Variants in GAB1 observed in about 807,000 individuals in gnomAD.
The protein encoded by GAB1 is GRB2-associated-binding protein 1.
GAB1 carries 19 observed loss-of-function variants against 66.5 expected under a neutral mutation model. The observed-to-expected ratio is 0.29, with a 90% CI of 0.20 to 0.42. The LOEUF (loss-of-function observed/expected upper bound fraction) is 0.42, where lower values mean the gene tolerates loss of function less well. Among genes scored for constraint, GAB1 ranks in the 10% least tolerant of loss-of-function variants. The probability of loss-of-function intolerance (pLI) is 1.00; values close to 1 mark genes in which losing one functional copy is unlikely to be tolerated. For missense variants in GAB1, 732 were observed against 858.5 expected (o/e 0.85, Z 1.84); for synonymous variants, 294 against 301.4 (o/e 0.98, Z 0.25).
intron 1 of GAB1, among the ~76,000 whole-genome samples, chr4:143,401,648 G>A (rs1260684155): frequency 6.6e-6 from 1 of 152,090 alleles, no homozygotes; most frequent in Non-Finnish European, 1.5e-5. Context: ...CTTGGAAAAA[G>A]TCACAATAGG....
intron 6 of GAB1, among the ~76,000 whole-genome samples, chr4:143,451,738 G>T (rs766307095): frequency 3.2e-4 from 49 of 152,180 alleles, no homozygotes; most frequent in Non-Finnish European, 4.7e-4. Context: ...AAACAGGGAA[G>T]GCATAGCAAA....
Position 143,459,417 on chromosome 4 carries a change from C to T in GAB1, c.1618C>T (p.Pro540Ser), listed in dbSNP as rs1735369910. The T allele has an allele frequency of 1.9e-6, 3 of 1,610,392 alleles. No homozygotes were observed. The East Asian group carries it at 6.7e-5, about 36-fold the overall frequency. ...AGCGCCTTTAGAAATAAAACCTTTG[C>T]CAGAATGGGAAGAATTACAAGCCCC... ...KPAPLEIKPL[P>S]EWEELQAPVR... Residue 540 changes from proline (P) to serine (S), a missense_variant, in exon 7 of 10, where the codon CCA becomes TCA. Physicochemically the swap from Pro to Ser is moderately conservative, Grantham distance 74. Coordinates refer to ENST00000262994, the MANE Select transcript of GAB1 (RefSeq NM_002039.4).
rs35422180 is a variant in GAB1 at position 143,413,824 on chromosome 4, C to CTTTTTTTTTTTTTTTT, written c.73-1644_73-1629dup. Among the ~76,000 whole-genome samples, 641 of 67,828 alleles carry CTTTTTTTTTTTTTTTT rather than the reference C, an allele frequency of 9.5e-3. 51 individuals carry two copies. Among genetic ancestry groups the CTTTTTTTTTTTTTTTT allele is most frequent in the African/African-American group, 0.032 (345 of 10,628 alleles). 44.5% of individuals were successfully genotyped at this position (67,828 alleles called of 152,430 possible). ...AGAGCATCCCCACCACCCCGCTGCCCTTTTTTTTTTTTTTTTTTTTTTTTG... is the reference window on the plus strand; with the variant it reads ...AGAGCATCCCCACCACCCCGCTGCCCTTTTTTTTTTTTTTTTTTTTTTTTTTTTTTTTTTTTTTTTG... On this transcript the variant is annotated intron_variant, in intron 1 of 9. Coordinates refer to ENST00000262994, the MANE Select transcript of GAB1 (RefSeq NM_002039.4).
At chr4:143,362,519 CA>C (rs1362908588) in intron 1 of GAB1, among the ~76,000 whole-genome samples, 1 of 152,128 alleles carries the variant, frequency 6.6e-6, no homozygotes, top group African/African-American at 2.4e-5. Flanking sequence ...ATGAGTTTTC[CA>C]GGAAAGGGAT....
At chr4:143,405,812 G>C (rs1732013903) in intron 1 of GAB1, among the ~76,000 whole-genome samples, 1 of 152,132 alleles carries the variant, frequency 6.6e-6, no homozygotes, top group Non-Finnish European at 1.5e-5. Context: ...CCTGGCCGAG[G>C]TGACAGGGGA....
chr4:143,462,175 G>A (rs1320004217), intron 8 of GAB1, among the ~76,000 whole-genome samples: 4 of 152,116 alleles, frequency 2.6e-5, no homozygotes, highest in Middle Eastern at 3.4e-3. Context: ...TCAAGGCAGG[G>A]CAATTTTTAG....
At chr4:143,376,227 T>C (rs1009861577) in intron 1 of GAB1, among the ~76,000 whole-genome samples, 8 of 152,112 alleles carry the variant, frequency 5.3e-5, no homozygotes, top group Admixed American at 1.3e-4. Context: ...GGTAATACTG[T>C]TTAGGGCTTG....
chr4:143,439,989 GA>G, intron 5 of GAB1, 89 bp from the exon 6 acceptor site: 1 of 1,408,560 alleles, frequency 7.1e-7, no homozygotes, highest in South Asian at 1.2e-5. Flanking sequence ...AAAGTACGCT[GA>G]GATCCATATG....
At chr4:143,376,650 A>G (rs1455309342) in intron 1 of GAB1, among the ~76,000 whole-genome samples, 1 of 152,226 alleles carries the variant, frequency 6.6e-6, no homozygotes. Context: ...GTTTTGTTTT[A>G]TAAGGGCATT....
intron 1 of GAB1, among the ~76,000 whole-genome samples, chr4:143,362,657 A>G (rs1581228245): frequency 6.6e-6 from 1 of 152,232 alleles, no homozygotes; most frequent in South Asian, 2.1e-4. Context: ...ATGCTAATGC[A>G]TTATAATTGG....
intron 1 of GAB1, among the ~76,000 whole-genome samples, chr4:143,413,516 C>A (rs1436907061): frequency 6.6e-6 from 1 of 152,064 alleles, no homozygotes; most frequent in Non-Finnish European, 1.5e-5. Flanking sequence ...GATTAAAGAC[C>A]TATATAATGT....
chr4:143,342,305 A>T (rs1012403605), intron 1 of GAB1, among the ~76,000 whole-genome samples: 1 of 152,082 alleles, frequency 6.6e-6, no homozygotes, highest in Non-Finnish European at 1.5e-5. Context: ...CTTTAAAATT[A>T]TTTTTTTAAG....
At chr4:143,446,259 T>G (rs1489496985) in intron 6 of GAB1, among the ~76,000 whole-genome samples, 1 of 152,212 alleles carries the variant, frequency 6.6e-6, no homozygotes, top group East Asian at 1.9e-4. Flanking sequence ...AACATACGTG[T>G]GCATGTGTCT....
chr4:143,390,957 C>T (rs1731160356), intron 1 of GAB1, among the ~76,000 whole-genome samples: 1 of 152,156 alleles, frequency 6.6e-6, no homozygotes, highest in African/African-American at 2.4e-5. Context: ...CTAGAGAAGG[C>T]ACACATCATT....
At chr4:143,378,650 T>TCTCTCTCC (rs1730520989) in intron 1 of GAB1, among the ~76,000 whole-genome samples, 1 of 148,522 alleles carries the variant, frequency 6.7e-6, no homozygotes, top group Non-Finnish European at 1.5e-5. Flanking sequence ...TCTCTCTCTC[T>TCTCTCTCC]CTCTCTCTCT....
intron 2 of GAB1, among the ~76,000 whole-genome samples, chr4:143,427,032 G>T (rs891381607): frequency 1.3e-5 from 2 of 152,154 alleles, no homozygotes; most frequent in Non-Finnish European, 2.9e-5. Flanking sequence ...CAGACACATT[G>T]AAGGGTGAGG....
chr4:143,391,352 AAAAG>A (rs1257072090), intron 1 of GAB1: 2 of 152,122 alleles, frequency 1.3e-5, no homozygotes, highest in African/African-American at 2.4e-5. Context: ...CTTGAGGGAG[AAAAG>A]AAAGAGTGGA....
At chr4:143,360,200 T>C (rs1232427294) in intron 1 of GAB1, among the ~76,000 whole-genome samples, 1 of 152,188 alleles carries the variant, frequency 6.6e-6, no homozygotes, top group Non-Finnish European at 1.5e-5. Context: ...TACTCTGAAA[T>C]AATGAGGGGG....
At chr4:143,351,807 ACT>A (rs768793355) in intron 1 of GAB1, among the ~76,000 whole-genome samples, 4 of 151,956 alleles carry the variant, frequency 2.6e-5, no homozygotes, top group Non-Finnish European at 5.9e-5. Context: ...GCTACTAAAC[ACT>A]CTATTGCACA....
Sources: gnomAD v4.1 joint callset for allele counts (sites outside exome capture counted in the v4.1 genomes callset) on GRCh38, gnomAD v4.1.1 for gene constraint, MANE v1.5 for transcripts, NCBI Gene and HGNC (gene_info 2026-07-23, HGNC 2026-07-21) for gene names.